The following SLC9B1 variants were observed in gnomAD, a reference collection of about 807,000 sequenced individuals.
SLC9B1 encodes solute carrier family 9 member B1, also known as sodium/hydrogen exchanger 9B1.
SLC9B1 carries 32 observed loss-of-function variants against 51.7 expected under a neutral mutation model. The observed-to-expected ratio is 0.62, with a 90% CI of 0.47 to 0.83. The LOEUF (loss-of-function observed/expected upper bound fraction) is 0.83, where lower values mean the gene tolerates loss of function less well. SLC9B1 is among the 40% of genes least tolerant of loss of function. The probability of loss-of-function intolerance (pLI) is 0.00; values close to 1 mark genes in which losing one functional copy is unlikely to be tolerated. For missense variants in SLC9B1, 406 were observed against 613.2 expected, an observed-to-expected ratio of 0.66 and a Z score of 3.57; for synonymous variants, 145 against 212.7, an observed-to-expected ratio of 0.68 and a Z score of 2.77.
chr4:102,987,522 A>G (rs1739695244), intron 3 of SLC9B1, among the ~76,000 whole-genome samples: 1 of 152,180 alleles, frequency 6.6e-6, no homozygotes, highest in Non-Finnish European at 1.5e-5. Context: ...TAAGTTGGTT[A>G]GGCTCTGATA....
chr4:102,985,333 T>C (rs1356079999), intron 3 of SLC9B1, among the ~76,000 whole-genome samples: 2 of 152,216 alleles, frequency 1.3e-5, no homozygotes, highest in African/African-American at 4.8e-5. Context: ...ATATCAATCA[T>C]GCTTGTTCCT....
At chr4:102,989,986 T>C in intron 2 of SLC9B1, 45 bp from the exon 3 acceptor site, 1 of 1,487,004 alleles carries the variant, frequency 6.7e-7, no homozygotes, top group Non-Finnish European at 9.1e-7. Context: ...ACTTTCTGTA[T>C]AATTTTATGA....
At chr4:102,959,141 T>G (rs1178054791) in intron 3 of SLC9B1, among the ~76,000 whole-genome samples, 1 of 151,980 alleles carries the variant, frequency 6.6e-6, no homozygotes, top group Non-Finnish European at 1.5e-5. Context: ...AAAAACAAGA[T>G]TCAGCTATAT....
In SLC9B1 at chr4:102,997,527, C is replaced by T. The variant is rs566859952; in HGVS notation, c.-1-5815G>A. On this transcript the variant is annotated intron_variant, in intron 1 of 11. Transcript: ENST00000296422. The stretch of plus-strand genomic sequence containing the variant: ...TTCATTCATTTCACTTTGTATCAGG[C>T]CTTGATAAATTCACTTAATTCTAAT... Among the ~76,000 whole-genome samples the T allele has an allele frequency of 1.2e-4, 18 of 152,140 alleles. No individual in the cohort carries two copies. The South Asian group carries it at 3.5e-3, about 30-fold the overall frequency.
Position 102,906,568 on chromosome 4 carries a change from A to T in SLC9B1, c.1163T>A (p.Val388Glu). The T allele has an allele frequency of 6.3e-7, 1 of 1,582,874 alleles. No individual in the cohort carries two copies. The highest frequency in any genetic ancestry group is 8.5e-7 in the Non-Finnish European group (1 of 1,170,332). ...PLLFGLVGAEVSVSSLESNIV... is the reference protein window; with the variant it reads ...PLLFGLVGAEESVSSLESNIV... Reference sequence around the variant, plus strand: ...ATTTGATTCAAGCGATGAAACAGATACTTCTGCTCCAACTAAACCAAAAAG... The same window carrying T: ...ATTTGATTCAAGCGATGAAACAGATTCTTCTGCTCCAACTAAACCAAAAAG... Residue 388 changes from valine to glutamate, a missense_variant, in exon 10 of 12, where the codon GTA becomes GAA. This residue lies in a region of SLC9B1 where 250 missense variants were observed against 394.1 expected (regional missense o/e 0.63). Transcript: ENST00000296422.
At chr4:102,965,153 T>C (rs1738355759) in intron 3 of SLC9B1, among the ~76,000 whole-genome samples, 1 of 152,056 alleles carries the variant, frequency 6.6e-6, no homozygotes, top group South Asian at 2.1e-4. Flanking sequence ...AGAAAACAAT[T>C]CCAATCACAA....
chr4:102,998,660 T>C (rs1178907672), intron 1 of SLC9B1, among the ~76,000 whole-genome samples: 1 of 151,900 alleles, frequency 6.6e-6, no homozygotes, highest in Non-Finnish European at 1.5e-5. Context: ...CGATGCACAA[T>C]GATTCCAGTT....
At chr4:102,919,535 G>A (rs1318385631) in intron 7 of SLC9B1, among the ~76,000 whole-genome samples, 1 of 152,162 alleles carries the variant, frequency 6.6e-6, no homozygotes, top group Non-Finnish European at 1.5e-5. Context: ...GAGGTACCTG[G>A]TTCATCTCAT....
intron 3 of SLC9B1, among the ~76,000 whole-genome samples, chr4:102,966,217 A>G (rs565383017): frequency 7.7e-4 from 117 of 152,140 alleles, no homozygotes; most frequent in African/African-American, 2.7e-3. Context: ...CCAACCCTAC[A>G]TTTCTGCTCA....
chr4:102,949,939 T>G (rs1737462714), intron 3 of SLC9B1, among the ~76,000 whole-genome samples: 1 of 151,976 alleles, frequency 6.6e-6, no homozygotes, highest in Admixed American at 6.6e-5. Flanking sequence ...CCAGCCTGTG[T>G]GACAGAGTGA....
At chr4:102,939,767 T>C (rs1465877269) in intron 6 of SLC9B1, among the ~76,000 whole-genome samples, 2 of 152,160 alleles carry the variant, frequency 1.3e-5, no homozygotes, top group East Asian at 3.8e-4. Flanking sequence ...AACCAATAAA[T>C]GTGATTCATC....
intron 1 of SLC9B1, among the ~76,000 whole-genome samples, chr4:102,996,215 G>C (rs1213784457): frequency 6.6e-6 from 1 of 151,832 alleles, no homozygotes; most frequent in Admixed American, 6.6e-5. Context: ...CAAATCTCTT[G>C]TCCATTTTTT....
At chr4:102,956,441 A>G (rs1488878366) in intron 3 of SLC9B1, among the ~76,000 whole-genome samples, 2 of 152,216 alleles carry the variant, frequency 1.3e-5, no homozygotes, top group East Asian at 3.8e-4. Context: ...AGAGTATGAC[A>G]AAAAGTAAAA....
chr4:102,920,565 G>T (rs1183418063), intron 7 of SLC9B1, among the ~76,000 whole-genome samples: 1 of 152,188 alleles, frequency 6.6e-6, no homozygotes, highest in Non-Finnish European at 1.5e-5. Flanking sequence ...TGACTTTGAC[G>T]AGTTGACAGA....
At chr4:103,015,204 A>G (rs939682736) in intron 1 of SLC9B1, among the ~76,000 whole-genome samples, 1 of 151,970 alleles carries the variant, frequency 6.6e-6, no homozygotes, top group Non-Finnish European at 1.5e-5. Context: ...CCAAAATTGA[A>G]TAAGTATACA....
intron 3 of SLC9B1, among the ~76,000 whole-genome samples, chr4:102,968,266 C>T (rs1738537780): frequency 6.6e-6 from 1 of 152,098 alleles, no homozygotes; most frequent in African/African-American, 2.4e-5. Context: ...GTTCTTTCAA[C>T]AAATGATTCT....
At chr4:102,886,298 C>A (rs375125295) in intron 11 of SLC9B1, among the ~76,000 whole-genome samples, 1 of 151,960 alleles carries the variant, frequency 6.6e-6, no homozygotes, top group African/African-American at 2.4e-5. Context: ...AACAGCCTGA[C>A]CAACATGGTG....
rs141218544 is a variant in SLC9B1 at position 103,015,710 on chromosome 4, C to T, written c.-2+3889G>A. ...TCCTCCTCACTCTTTACTAATCTTG[C>T]GTCATACCTTATCTTCATTGAGAAA... On this transcript the variant is annotated intron_variant, in intron 1 of 11. Coordinates refer to ENST00000296422, the MANE Select transcript of SLC9B1 (RefSeq NM_139173.4). Among the ~76,000 whole-genome samples the T allele has an allele frequency of 6.6e-5, 10 of 152,250 alleles. No homozygotes were observed. In the East Asian group the frequency reaches 9.6e-4, roughly 15 times the overall value.
chr4:102,949,320 T>A lies in SLC9B1; in HGVS notation c.319A>T (p.Ile107Phe). The change falls in exon 4 of 12, where the codon ATT (isoleucine) becomes TTT (phenylalanine). Residue 107 changes from isoleucine to phenylalanine, a missense_variant. Physicochemically the swap from Ile to Phe is conservative, Grantham distance 21. Around this residue, in one of 6 missense-constraint regions of SLC9B1, gnomAD observed 250 missense variants for 394.1 expected, o/e 0.63. Transcript: ENST00000296422. ...ATGAGTTGTAAAATTTTTCCCCCAA[T>A]AATGGCACTATAAAAAATAATGAAC... The part of the protein sequence containing the change: ...GLFIIFYSAI[I>F]GGKILQLIRI... 1 of 1,609,874 alleles carries A rather than the reference T, an allele frequency of 6.2e-7. No individual in the cohort carries two copies. The highest frequency in any genetic ancestry group is 8.5e-7 in the Non-Finnish European group (1 of 1,178,956).
Sources: allele counts gnomAD v4.1 joint callset (sites outside exome capture counted in the v4.1 genomes callset), GRCh38; gene constraint gnomAD v4.1.1; regional missense constraint gnomAD v4.1.1; transcripts MANE v1.5; gene names NCBI Gene and HGNC (gene_info 2026-07-23, HGNC 2026-07-21).